SKI: variants seen among roughly 807,000 people sequenced by gnomAD.
SKI encodes the protein SKI proto-oncogene.
SKI carries 23 observed loss-of-function variants against 59.3 expected under a neutral mutation model. The ratio of observed to expected loss-of-function variants is 0.39; its 90% CI spans 0.28 to 0.55. SKI has a LOEUF of 0.55. Among genes scored for constraint, SKI ranks in the 20% least tolerant of loss-of-function variants. The pLI, the probability that SKI is intolerant of heterozygous loss-of-function variation, is 0.67. For missense variants in SKI, 1,017 were observed against 1,038.9 expected (o/e 0.98, Z 0.29); for synonymous variants, 673 against 488.6 (o/e 1.38, Z -4.98).
At chr1:2,231,163 G>T (rs1015976544) in intron 1 of SKI, among the ~76,000 whole-genome samples, 2 of 152,132 alleles carry the variant, frequency 1.3e-5, no homozygotes, top group Non-Finnish European at 2.9e-5. Flanking sequence ...TGTGGGCTGG[G>T]GCCTTTCTTT....
intron 1 of SKI, among the ~76,000 whole-genome samples, chr1:2,294,015 T>C (rs1394318276): frequency 6.6e-6 from 1 of 152,234 alleles, no homozygotes; most frequent in African/African-American, 2.4e-5. Flanking sequence ...CCCCATGTTT[T>C]CTGAGGTGCA....
rs956172294 is a variant in SKI, at chr1:2,248,376, G to A, written c.969+18641G>A. 2.6e-5 allele frequency among the ~76,000 whole-genome samples: 4 copies of A among 152,318 alleles called. No homozygotes were observed. The East Asian group carries it at 7.7e-4, about 29-fold the overall frequency. On this transcript the variant is annotated intron_variant, in intron 1 of 6. Coordinates refer to ENST00000378536, the MANE Select transcript of SKI (RefSeq NM_003036.4). ...GGGTGGGTTCTGAGCTTGGTGACCC[G>A]CTCTGCTCTTTTGTCCGGCTTTGTC...
At chr1:2,247,802 C>T (rs556022702) in intron 1 of SKI, among the ~76,000 whole-genome samples, 1 of 152,242 alleles carries the variant, frequency 6.6e-6, no homozygotes, top group Middle Eastern at 3.2e-3. Flanking sequence ...GCTGCCCCAG[C>T]CCGAGTCCAG....
chr1:2,272,670 A>G lies in SKI; in HGVS notation c.970-30308A>G, dbSNP rs572456985. 2.0e-5 allele frequency among the ~76,000 whole-genome samples: 3 copies of G among 152,368 alleles called. No homozygotes were observed. The South Asian group carries it at 6.2e-4, about 32-fold the overall frequency. On this transcript the variant is annotated intron_variant, in intron 1 of 6. Transcript: ENST00000378536. ...AATTAAATACAACCATGTATTTTAA[A>G]TGGTGTCCTTAATGTAGAATGTTTT... is the stretch of plus-strand genomic sequence containing the variant.
At chr1:2,242,863 T>C (rs916259176) in intron 1 of SKI, among the ~76,000 whole-genome samples, 2 of 152,252 alleles carry the variant, frequency 1.3e-5, no homozygotes, top group Non-Finnish European at 2.9e-5. Flanking sequence ...TCTGCCTTTT[T>C]CCCTGAATGA....
chr1:2,288,270 C>T (rs1389597209), intron 1 of SKI, among the ~76,000 whole-genome samples: 1 of 151,798 alleles, frequency 6.6e-6, no homozygotes, highest in African/African-American at 2.4e-5. Flanking sequence ...TACAGGTGTG[C>T]ACCACCATTC....
intron 1 of SKI, among the ~76,000 whole-genome samples, chr1:2,292,925 G>T (rs1195302705): frequency 6.6e-6 from 1 of 152,228 alleles, no homozygotes; most frequent in Non-Finnish European, 1.5e-5. Context: ...CCCTCTCCCA[G>T]CCGAGGATGT....
At chr1:2,263,634 A>G (rs1445932433) in intron 1 of SKI, among the ~76,000 whole-genome samples, 2 of 151,808 alleles carry the variant, frequency 1.3e-5, no homozygotes, top group African/African-American at 4.8e-5. Flanking sequence ...TAACAGAGTA[A>G]TGTTCTTGTA....
rs1259818691 is a variant in SKI at position 2,228,898 on chromosome 1, G to A, written c.132G>A (p.Gln44=). ...CCGCTTTCTCGGCGCGCTGGGCGCAGGAGGCCTACAAGAAGGAGAGCGCCA... is the reference window on the plus strand; with the variant it reads ...CCGCTTTCTCGGCGCGCTGGGCGCAAGAGGCCTACAAGAAGGAGAGCGCCA... The part of the protein sequence containing the change: ...GPAAFSARWA[Q]EAYKKESAKE... Residue 44 remains glutamine, a synonymous_variant, in exon 1 of 7, where the codon CAG becomes CAA. Transcript: ENST00000378536. 2.8e-6 allele frequency: 4 copies of A among 1,421,136 alleles called. No homozygotes were observed. The South Asian group carries it at 5.3e-5, about 19-fold the overall frequency. The allele number at this position is 1,421,136 out of a possible 1,614,324, so 88.0% of individuals were successfully genotyped here. A position where few individuals can be genotyped will look rare whatever the true frequency, so the allele number is the denominator to read the frequency against.
intron 1 of SKI, among the ~76,000 whole-genome samples, chr1:2,296,252 G>A (rs1640282458): frequency 6.6e-6 from 1 of 152,044 alleles, no homozygotes. Context: ...AAAATTAGCT[G>A]GGCATGGTGG....
At chr1:2,241,287 TAG>T (rs1235825853) in intron 1 of SKI, among the ~76,000 whole-genome samples, 1 of 152,204 alleles carries the variant, frequency 6.6e-6, no homozygotes, top group African/African-American at 2.4e-5. Flanking sequence ...TTCACTGAAG[TAG>T]AGAGATTAGC....
chr1:2,267,188 T>C lies in SKI; in HGVS notation c.970-35790T>C, dbSNP rs892431204. 2.0e-5 allele frequency among the ~76,000 whole-genome samples: 3 copies of C among 152,122 alleles called. No homozygotes were observed. The highest frequency in any genetic ancestry group is 4.4e-5 in the Non-Finnish European group (3 of 68,026). ...CTGCATCGAGCCAGCACTGAACTGG[T>C]TTTGTAACAAGCTTGGTGTCCATAT... On this transcript the variant is annotated intron_variant, in intron 1 of 6. Coordinates refer to ENST00000378536, the MANE Select transcript of SKI (RefSeq NM_003036.4). This position sits in a 1 kb window ranked among gnomAD's most constrained non-coding sequence, Gnocchi z 4.1.
intron 1 of SKI, among the ~76,000 whole-genome samples, chr1:2,285,019 A>G (rs1285585507): frequency 6.6e-6 from 1 of 152,160 alleles, no homozygotes; most frequent in Admixed American, 6.5e-5. Flanking sequence ...CTAAAGTTTT[A>G]TGATTTCGTG....
intron 1 of SKI, among the ~76,000 whole-genome samples, chr1:2,275,557 A>G (rs1639722662): frequency 6.6e-6 from 1 of 151,854 alleles, no homozygotes; most frequent in Non-Finnish European, 1.5e-5. Context: ...TCTGTCGCCC[A>G]GGCTGGAGTG....
intron 1 of SKI, among the ~76,000 whole-genome samples, chr1:2,295,720 T>C (rs1640270201): frequency 1.5e-5 from 1 of 68,328 alleles, no homozygotes; most frequent in African/African-American, 8.8e-5. Context: ...CGTGTGGCTA[T>C]GTGTCCAGGC....
intron 1 of SKI, among the ~76,000 whole-genome samples, chr1:2,265,871 G>T (rs1203572670): frequency 6.6e-6 from 1 of 152,152 alleles, no homozygotes; most frequent in Non-Finnish European, 1.5e-5. Flanking sequence ...AGGAGGCTGA[G>T]GTGGGAGGAT....
chr1:2,235,198 C>T (rs779843202), intron 1 of SKI, among the ~76,000 whole-genome samples: 1 of 152,084 alleles, frequency 6.6e-6, no homozygotes, highest in Non-Finnish European at 1.5e-5. Context: ...TGTGCCACCA[C>T]ACCCAAGTAA....
chr1:2,257,936 C>T (rs548546203), intron 1 of SKI, among the ~76,000 whole-genome samples: 2 of 152,138 alleles, frequency 1.3e-5, no homozygotes, highest in South Asian at 4.2e-4. Flanking sequence ...TGGGGTTTCT[C>T]CATGTTGGTT....
In SKI at chr1:2,282,479, G is replaced by A. The variant is rs958109826; in HGVS notation, c.970-20499G>A. 5.0e-5 allele frequency among the ~76,000 whole-genome samples: 7 copies of A among 141,130 alleles called. 2 individuals carry two copies. Among genetic ancestry groups the A allele is most frequent in the Non-Finnish European group, 9.4e-5 (6 of 63,878 alleles). 92.6% of individuals were successfully genotyped at this position (141,130 alleles called of 152,430 possible). ...AGAGAGGACGCCTGAGAAGACAGGC[G>A]GTGGTGGAGATCTTCAGAGAGAGGA... On this transcript the variant is annotated intron_variant, in intron 1 of 6. Transcript: ENST00000378536.
Sources: gnomAD v4.1 joint callset for allele counts (sites outside exome capture counted in the v4.1 genomes callset) on GRCh38, gnomAD v4.1.1 for gene constraint, Gnocchi (gnomAD v3.1) non-coding constraint, MANE v1.5 for transcripts, NCBI Gene and HGNC (gene_info 2026-07-23, HGNC 2026-07-21) for gene names.